The following SYCP2 variants were observed in gnomAD, a reference collection of about 807,000 sequenced individuals.
The protein encoded by SYCP2 is synaptonemal complex lateral element protein.
A neutral mutation model predicts 211.3 loss-of-function variants in SYCP2; 55 were observed. The ratio of observed to expected loss-of-function variants is 0.26; its 90% CI spans 0.21 to 0.33. The LOEUF (loss-of-function observed/expected upper bound fraction) is 0.33. SYCP2 is among the 10% of genes least tolerant of loss of function. The pLI, the probability that SYCP2 is intolerant of heterozygous loss-of-function variation, is 1.00. For synonymous variants in SYCP2, 570 were observed against 555.2 expected (o/e 1.03, Z -0.37); for missense variants, 1,731 against 1,752.0 (o/e 0.99, Z 0.21).
In SYCP2 at chr20:59,865,655, A is replaced by T. The variant is rs765439569; in HGVS notation, c.4380-4T>A. The T allele has an allele frequency of 1.7e-5, 27 of 1,587,248 alleles. No individual in the cohort carries two copies. Among genetic ancestry groups the T allele is most frequent in the Non-Finnish European group, 1.7e-6 (2 of 1,165,348 alleles). On this transcript the variant is annotated splice_polypyrimidine_tract_variant and splice_region_variant and intron_variant, in intron 42 of 44. Coordinates refer to ENST00000357552, the MANE Select transcript of SYCP2 (RefSeq NM_014258.4). Reference sequence around the variant, plus strand: ...TGAAGTTTTCAAAAGATGAAGCCTAAGAAGTAAAATAATGAGTTAACCTTG... The same window carrying T: ...TGAAGTTTTCAAAAGATGAAGCCTATGAAGTAAAATAATGAGTTAACCTTG...
At chr20:59,915,387 G>C in intron 9 of SYCP2, 78 bp downstream of exon 9, 11 of 1,088,532 alleles carry the variant, frequency 1.0e-5, no homozygotes, top group Non-Finnish European at 1.5e-5. Context: ...CATTATTAAT[G>C]CAAACTCATA....
chr20:59,867,995 G>T (rs2059384342), intron 38 of SYCP2, 148 bp from the exon 39 acceptor site: 3 of 594,888 alleles, frequency 5.0e-6, no homozygotes, highest in South Asian at 2.8e-5. Context: ...AGTTCCTTAT[G>T]TTTTTTTTAA....
chr20:59,909,091 C>T lies in SYCP2; in HGVS notation c.973-1667G>A, dbSNP rs151184293. Among the ~76,000 whole-genome samples the T allele has an allele frequency of 2.2e-3, 330 of 152,146 alleles. 2 individuals are homozygous for T. The highest frequency in any genetic ancestry group is 7.1e-3 in the African/African-American group (295 of 41,502). On this transcript the variant is annotated intron_variant, in intron 14 of 44. Transcript: ENST00000357552. ...ATAAAACCTCCTTTCCTTTGTCGTCCGTAACACTATACCCTTTTAATTTGT... is the reference window on the plus strand; with the variant it reads ...ATAAAACCTCCTTTCCTTTGTCGTCTGTAACACTATACCCTTTTAATTTGT...
intron 28 of SYCP2, 76 bp from the exon 29 acceptor site, chr20:59,881,568 C>A: frequency 2.8e-6 from 2 of 713,220 alleles, no homozygotes; most frequent in Non-Finnish European, 4.4e-6. Flanking sequence ...AACATAAAAT[C>A]TAGTTTTGCT....
chr20:59,911,270 C>G (rs2060319297), intron 14 of SYCP2, among the ~76,000 whole-genome samples: 1 of 152,104 alleles, frequency 6.6e-6, no homozygotes, highest in African/African-American at 2.4e-5. Flanking sequence ...TTTGGAAGAT[C>G]TGAGCACAGC....
chr20:59,868,292 C>A, intron 38 of SYCP2, 121 bp downstream of exon 38: 4 of 966,370 alleles, frequency 4.1e-6, no homozygotes, highest in Non-Finnish European at 6.1e-6. Flanking sequence ...AATAAAGCAT[C>A]ATCCATCTTG....
At chr20:59,930,818 G>T (rs1379959818) in intron 2 of SYCP2, among the ~76,000 whole-genome samples, 1 of 151,906 alleles carries the variant, frequency 6.6e-6, no homozygotes, top group East Asian at 1.9e-4. Flanking sequence ...TAATATTTAA[G>T]AATTTTTTAA....
chr20:59,892,057 C>T lies in SYCP2; in HGVS notation c.2297G>A (p.Ser766Asn). Residue 766 changes from serine to asparagine, a missense_variant, in exon 24 of 45, where the codon AGT (serine) becomes AAT (asparagine). Ser to Asn is a conservative substitution (Grantham distance 46). This residue lies in a region of SYCP2 where 1,387 missense variants were observed against 1,351.3 expected (regional missense o/e 1.03). Transcript: ENST00000357552. Reference sequence around the variant, plus strand: ...CAATTCTTTCTCTGCTTTTCTATGACTTTGCACATTTTTGCTAGCAGATGG... The same window carrying T: ...CAATTCTTTCTCTGCTTTTCTATGATTTTGCACATTTTTGCTAGCAGATGG... ...KNPSASKNVQSHRKAEKELTS... is the reference protein window; with the variant it reads ...KNPSASKNVQNHRKAEKELTS... The T allele has an allele frequency of 6.2e-7, 1 of 1,611,126 alleles. No homozygotes were observed. Among genetic ancestry groups the T allele is most frequent in the Non-Finnish European group, 8.5e-7 (1 of 1,178,674 alleles).
Position 59,896,484 on chromosome 20 carries a change from A to G in SYCP2, c.1449T>C (p.Ile483=). The change falls in exon 19 of 45, where the codon ATT becomes ATC. Residue 483 remains isoleucine (I), a synonymous_variant. Transcript: ENST00000357552. The part of the protein sequence containing the change: ...SKRKMSEASM[I]VSGADRYTMR... Reference sequence around the variant, plus strand: ...TAGTGTATCTATCTGCACCAGAAACAATCATTGATGCTTCAGACATTTTTC... The same window carrying G: ...TAGTGTATCTATCTGCACCAGAAACGATCATTGATGCTTCAGACATTTTTC... 2.5e-6 allele frequency: 4 copies of G among 1,611,024 alleles called. No homozygotes were observed. The highest frequency in any genetic ancestry group is 3.4e-6 in the Non-Finnish European group (4 of 1,178,140).
intron 18 of SYCP2, among the ~76,000 whole-genome samples, chr20:59,898,067 C>A (rs754292712): frequency 5.3e-5 from 8 of 152,260 alleles, no homozygotes; most frequent in Non-Finnish European, 1.2e-4. Flanking sequence ...TTGCAGTGAG[C>A]CGAGATTGCA....
chr20:59,883,281 G>A (rs528473095), intron 26 of SYCP2, among the ~76,000 whole-genome samples: 20 of 152,098 alleles, frequency 1.3e-4, no homozygotes, highest in Non-Finnish European at 1.9e-4. Flanking sequence ...CCAGGGAGGC[G>A]GAGGTTGCAG....
chr20:59,879,818 AATAAATATATATATATATAT>A (rs367581666), intron 31 of SYCP2, among the ~76,000 whole-genome samples: 2,822 of 125,656 alleles, frequency 0.022, 50 homozygotes, highest in Middle Eastern at 0.047. Context: ...AGTAAATATA[AATAAATATATATATATATAT>A]ATATATATAT....
chr20:59,865,392 T>C lies in SYCP2; in HGVS notation c.4511A>G (p.Asp1504Gly). 6.2e-7 allele frequency: 1 copy of C among 1,607,350 alleles called. No individual in the cohort carries two copies. Among genetic ancestry groups the C allele is most frequent in the Non-Finnish European group, 8.5e-7 (1 of 1,177,010 alleles). ...MKVLQDRLLKDMLEEELLNVR... is the reference protein window; with the variant it reads ...MKVLQDRLLKGMLEEELLNVR... ...TTTCAAACTTAGTTGACTTACCATG[T>C]CCTTAAGAAGCCTGTCTTGCAGCAC... Residue 1504 changes from aspartate to glycine, a missense_variant, in exon 44 of 45, where the codon GAC becomes GGC. Coordinates refer to ENST00000357552, the MANE Select transcript of SYCP2 (RefSeq NM_014258.4).
intron 4 of SYCP2, 110 bp downstream of exon 4, chr20:59,921,200 T>A: frequency 1.2e-6 from 1 of 811,870 alleles, no homozygotes. Flanking sequence ...TATATAATTA[T>A]GACTGAGCTT....
At chr20:59,882,066 A>G in intron 27 of SYCP2, 29 bp downstream of exon 27, 1 of 1,607,898 alleles carries the variant, frequency 6.2e-7, no homozygotes, top group Non-Finnish European at 8.5e-7. Flanking sequence ...AATATGAAGA[A>G]AATGAAAAAT....
At chr20:59,908,630 A>G (rs574679815) in intron 14 of SYCP2, among the ~76,000 whole-genome samples, 25 of 152,106 alleles carry the variant, frequency 1.6e-4, no homozygotes, top group Non-Finnish European at 2.9e-4. Context: ...TTCACTTTTT[A>G]AAAAAACACA....
chr20:59,879,624 G>A (rs1363663001), intron 31 of SYCP2, among the ~76,000 whole-genome samples: 1 of 150,862 alleles, frequency 6.6e-6, no homozygotes, highest in Admixed American at 6.6e-5. Flanking sequence ...CTTACCAACT[G>A]CTTCAGGAGA....
Position 59,907,439 on chromosome 20 carries a change from C to G in SYCP2, c.973-15G>C, listed in dbSNP as rs182595037. Reference sequence around the variant, plus strand: ...CATTGATGATCCTTAAATTTAAAAGCAGGTTTTGGCCATAAATAATTTATT... The same window carrying G: ...CATTGATGATCCTTAAATTTAAAAGGAGGTTTTGGCCATAAATAATTTATT... On this transcript the variant is annotated splice_polypyrimidine_tract_variant and intron_variant, in intron 14 of 44. Transcript: ENST00000357552. 1 of 1,601,404 alleles carries G rather than the reference C, an allele frequency of 6.2e-7. No individual in the cohort carries two copies. Among genetic ancestry groups the G allele is most frequent in the East Asian group, 2.2e-5 (1 of 44,664 alleles).
intron 14 of SYCP2, among the ~76,000 whole-genome samples, chr20:59,910,486 T>C (rs2060299801): frequency 6.9e-6 from 1 of 145,172 alleles, no homozygotes; most frequent in South Asian, 2.3e-4. Flanking sequence ...GTTCACGCCA[T>C]TCTCCTGCCT....
Sources: gnomAD v4.1 joint callset for allele counts (sites outside exome capture counted in the v4.1 genomes callset) on GRCh38, gnomAD v4.1.1 for gene constraint, gnomAD v4.1.1 regional missense constraint, MANE v1.5 for transcripts, NCBI Gene and HGNC (gene_info 2026-07-23, HGNC 2026-07-21) for gene names.